CDH15: variants seen among roughly 807,000 people sequenced by gnomAD.
CDH15 encodes the protein cadherin 15, also known as cadherin-15.
CDH15 carries 73 observed loss-of-function variants against 69.4 expected under a neutral mutation model. The ratio of observed to expected loss-of-function variants is 1.05; its 90% CI spans 0.87 to 1.28. The LOEUF (loss-of-function observed/expected upper bound fraction) is 1.28. CDH15 is among the 50% of genes most tolerant of loss of function. The pLI, the probability that CDH15 is intolerant of heterozygous loss-of-function variation, is 0.00. For missense variants in CDH15, 1,343 were observed against 1,133.6 expected, an observed-to-expected ratio of 1.18 and a Z score of -2.65; for synonymous variants, 624 against 507.7, an observed-to-expected ratio of 1.23 and a Z score of -3.08.
intron 1 of CDH15, among the ~76,000 whole-genome samples, chr16:89,173,812 CCT>C (rs1915204823): frequency 2.6e-5 from 4 of 152,210 alleles, no homozygotes; most frequent in Admixed American, 2.6e-4. Flanking sequence ...AGAACTGGCC[CCT>C]CTCAGCCCTG....
chr16:89,185,724 T>C (rs2151601180), intron 5 of CDH15: 1 of 331,196 alleles, frequency 3.0e-6, no homozygotes, highest in Admixed American at 4.2e-5. Flanking sequence ...TCAGCTCCTC[T>C]AGGAAGCCCT....
chr16:89,181,175 G>T (rs1915370216), intron 3 of CDH15, among the ~76,000 whole-genome samples: 1 of 152,040 alleles, frequency 6.6e-6, no homozygotes, highest in South Asian at 2.1e-4. Context: ...CACCATGTTG[G>T]CCTCCCAAAG....
At chr16:89,179,678 C>A in intron 2 of CDH15, 104 bp downstream of exon 2, 1 of 1,189,330 alleles carries the variant, frequency 8.4e-7, no homozygotes, top group Non-Finnish European at 1.2e-6. Context: ...GGCCCCATTT[C>A]AGGACAGAGC....
chr16:89,195,184 C>T lies in CDH15; in HGVS notation c.*29C>T. The T allele has an allele frequency of 1.9e-6, 3 of 1,546,274 alleles. No individual in the cohort carries two copies. Among genetic ancestry groups the T allele is most frequent in the Non-Finnish European group, 2.6e-6 (3 of 1,148,318 alleles). On this transcript the variant is annotated 3_prime_UTR_variant, in exon 14 of 14. Coordinates refer to ENST00000289746, the MANE Select transcript of CDH15 (RefSeq NM_004933.3). The stretch of plus-strand genomic sequence containing the variant: ...TGGGGCGCAACTGGACATGCCACTC[C>T]CCGGCCTCGTGGCAGTGATGGCCCC...
At chr16:89,188,828 ACG>A (rs1184519045) in intron 7 of CDH15, among the ~76,000 whole-genome samples, 4 of 83,650 alleles carry the variant, frequency 4.8e-5, no homozygotes, top group Admixed American at 1.2e-4. Context: ...ACAGATGCCC[ACG>A]CACAGGTGCC....
At chr16:89,174,514 G>C (rs1002852034) in intron 1 of CDH15, among the ~76,000 whole-genome samples, 1 of 152,242 alleles carries the variant, frequency 6.6e-6, no homozygotes, top group Non-Finnish European at 1.5e-5. Context: ...AGTGGTGTTT[G>C]TAGACTGCAG....
chr16:89,194,967 C>G lies in CDH15; in HGVS notation c.2257C>G (p.Leu753Val), dbSNP rs1292858140. The G allele has an allele frequency of 1.2e-6, 2 of 1,610,836 alleles. No homozygotes were observed. The highest frequency in any genetic ancestry group is 1.7e-6 in the Non-Finnish European group (2 of 1,179,180). Residue 753 changes from leucine (L) to valine (V), a missense_variant, in exon 14 of 14, where the codon CTG (leucine) becomes GTG (valine). Coordinates refer to ENST00000289746, the MANE Select transcript of CDH15 (RefSeq NM_004933.3). ...GGTGGCGGGGACGCTGAGCTCCATC[C>G]TGTCCAGCCAGGGCGATGAGGACCA... Reference protein sequence around the residue: ...GSVAGTLSSILSSQGDEDQDY... With the variant: ...GSVAGTLSSIVSSQGDEDQDY...
At chr16:89,183,317 G>A (rs960416319) in intron 3 of CDH15, 4 of 549,814 alleles carry the variant, frequency 7.3e-6, no homozygotes, top group Admixed American at 6.1e-5. Flanking sequence ...GGCTGCCAAG[G>A]CAAGCAGGGA....
intron 7 of CDH15, among the ~76,000 whole-genome samples, chr16:89,190,023 C>T (rs1017748842): frequency 1.3e-5 from 2 of 152,248 alleles, no homozygotes; most frequent in Non-Finnish European, 2.9e-5. Flanking sequence ...TGTGCTTGAA[C>T]CCTGGGCTGC....
Position 89,175,216 on chromosome 16 carries a change from G to A in CDH15, c.42+3343G>A, listed in dbSNP as rs139474751. On this transcript the variant is annotated intron_variant, in intron 1 of 13. Transcript: ENST00000289746. Reference sequence around the variant, plus strand: ...TGGAGGGTCTCCGGTGGAGGCAGCTGGAGGTTGGGTGAACAGGGCTGGCCC... The same window carrying A: ...TGGAGGGTCTCCGGTGGAGGCAGCTAGAGGTTGGGTGAACAGGGCTGGCCC... Among the ~76,000 whole-genome samples, 37 of 152,336 alleles carry A rather than the reference G, an allele frequency of 2.4e-4. No homozygotes were observed. In the East Asian group the frequency reaches 6.9e-3, roughly 29 times the overall value.
At chr16:89,179,262 G>T (rs1035906945) in intron 1 of CDH15, among the ~76,000 whole-genome samples, 154 bp from the exon 2 acceptor site, 1 of 152,230 alleles carries the variant, frequency 6.6e-6, no homozygotes, top group Non-Finnish European at 1.5e-5. Context: ...GCAGCCCCGT[G>T]TGTGGAAGCC....
chr16:89,192,086 G>C, intron 10 of CDH15, 119 bp from the exon 11 acceptor site: 1 of 1,336,532 alleles, frequency 7.5e-7, no homozygotes, highest in Non-Finnish European at 1.0e-6. Context: ...GAGGACGGTG[G>C]GGGTGGGGGG....
intron 1 of CDH15, among the ~76,000 whole-genome samples, chr16:89,175,473 G>C (rs1254696707): frequency 2.6e-5 from 4 of 152,230 alleles, no homozygotes; most frequent in Admixed American, 2.6e-4. Flanking sequence ...GTGTGGCTTT[G>C]AGCAAATGCC....
chr16:89,193,283 G>A (rs1420910744), intron 11 of CDH15, among the ~76,000 whole-genome samples, 187 bp from the exon 12 acceptor site: 1 of 127,058 alleles, frequency 7.9e-6, no homozygotes, highest in East Asian at 2.2e-4. Context: ...CCCTAACCTC[G>A]CGGCTTCCTC....
chr16:89,175,734 A>ATC (rs770722838), intron 1 of CDH15, among the ~76,000 whole-genome samples: 73 of 152,302 alleles, frequency 4.8e-4, no homozygotes, highest in Non-Finnish European at 9.6e-4. Context: ...CTCCGAGGCC[A>ATC]GGGCCGCCAT....
rs780518523 is a variant in CDH15, at chr16:89,188,197, G to A, written c.890G>A (p.Arg297Lys). 37 of 1,613,382 alleles carry A rather than the reference G, an allele frequency of 2.3e-5. No individual in the cohort carries two copies. In the South Asian group the frequency reaches 4.1e-4, roughly 18 times the overall value. The part of the protein sequence containing the change: ...DLPGSPNWVA[R>K]FTILEGDPDG... Reference sequence around the variant, plus strand: ...CCAGGCTCCCCAAACTGGGTGGCCAGGTTCACCATCCTGGAAGGCGACCCC... The same window carrying A: ...CCAGGCTCCCCAAACTGGGTGGCCAAGTTCACCATCCTGGAAGGCGACCCC... Residue 297 changes from arginine to lysine, a missense_variant, in exon 7 of 14, where the codon AGG becomes AAG. Physicochemically the swap from Arg to Lys is conservative, Grantham distance 26. Transcript: ENST00000289746.
intron 4 of CDH15, among the ~76,000 whole-genome samples, chr16:89,184,094 G>A (rs1191576005): frequency 3.3e-5 from 5 of 152,222 alleles, no homozygotes; most frequent in East Asian, 3.9e-4. Context: ...ACGGGGACTC[G>A]CTCCCACCTC....
rs767177593 is a variant in CDH15 at position 89,188,220 on chromosome 16, C to A, written c.913C>A (p.Pro305Thr). ...VARFTILEGD[P>T]DGQFTIRTDP... The stretch of plus-strand genomic sequence containing the variant: ...CAGGTTCACCATCCTGGAAGGCGAC[C>A]CCGATGGGCAGTTCACCATCCGCAC... Residue 305 changes from proline (P) to threonine (T), a missense_variant, in exon 7 of 14, where the codon CCC (proline) becomes ACC (threonine). Coordinates refer to ENST00000289746, the MANE Select transcript of CDH15 (RefSeq NM_004933.3). The A allele has an allele frequency of 3.7e-6, 6 of 1,613,358 alleles. No individual in the cohort carries two copies. The Admixed American group carries it at 8.3e-5, about 22-fold the overall frequency.
Position 89,190,248 on chromosome 16 carries a change from G to A in CDH15, c.984G>A (p.Leu328=), listed in dbSNP as rs1416274280. 3.7e-6 allele frequency: 6 copies of A among 1,612,374 alleles called. No homozygotes were observed. Among genetic ancestry groups the A allele is most frequent in the Non-Finnish European group, 5.1e-6 (6 of 1,179,750 alleles). ...NEGVLSIVKA[L]DYESCEHYEL... ...GCTGTGCTTCCTTCCCTCAGGCCCTGGACTATGAGAGCTGTGAACACTACG... is the reference window on the plus strand; with the variant it reads ...GCTGTGCTTCCTTCCCTCAGGCCCTAGACTATGAGAGCTGTGAACACTACG... Residue 328 remains leucine, a synonymous_variant, in exon 8 of 14, where the codon CTG becomes CTA. Coordinates refer to ENST00000289746, the MANE Select transcript of CDH15 (RefSeq NM_004933.3).
Sources: allele counts gnomAD v4.1 joint callset (sites outside exome capture counted in the v4.1 genomes callset), GRCh38; gene constraint gnomAD v4.1.1; transcripts MANE v1.5; gene names NCBI Gene and HGNC (gene_info 2026-07-23, HGNC 2026-07-21).